The following SLC29A3 variants were observed in gnomAD, a reference collection of about 807,000 sequenced individuals.
SLC29A3 encodes the protein equilibrative nucleoside transporter 3.
Under a neutral mutation model 25.4 loss-of-function variants are expected in SLC29A3, and 18 were observed. That is an observed-to-expected ratio of 0.71 (90% CI 0.49 to 1.05). The LOEUF is 1.05. Ranked by LOEUF, SLC29A3 falls within the 50% of genes least tolerant of loss-of-function variation. The pLI is 0.00. For synonymous variants in SLC29A3, 258 were observed against 267.1 expected, an observed-to-expected ratio of 0.97 and a Z score of 0.33; for missense variants, 586 against 609.0, an observed-to-expected ratio of 0.96 and a Z score of 0.40.
intron 2 of SLC29A3, among the ~76,000 whole-genome samples, chr10:71,342,841 G>A (rs939635499): frequency 4.6e-5 from 7 of 152,216 alleles, no homozygotes; most frequent in Admixed American, 2.6e-4. Context: ...CTCACTAGCT[G>A]CGATTATCAT....
chr10:71,336,686 G>A (rs1333526597), intron 2 of SLC29A3, among the ~76,000 whole-genome samples: 2 of 151,914 alleles, frequency 1.3e-5, no homozygotes, highest in African/African-American at 4.8e-5. Flanking sequence ...GGGATTCATG[G>A]TGTGAGTCTC....
At chr10:71,342,610 C>A (rs1846440008) in intron 2 of SLC29A3, among the ~76,000 whole-genome samples, 1 of 152,256 alleles carries the variant, frequency 6.6e-6, no homozygotes, top group African/African-American at 2.4e-5. Context: ...CTCACCGGGG[C>A]TTGGGCTGGG....
At chr10:71,353,686 C>G (rs1226357040) in intron 4 of SLC29A3, among the ~76,000 whole-genome samples, 4 of 152,210 alleles carry the variant, frequency 2.6e-5, no homozygotes, top group African/African-American at 9.7e-5. Flanking sequence ...CCCAGTCTTC[C>G]AGAGGCCACA....
At chr10:71,360,145 T>C (rs920694633) in intron 5 of SLC29A3, among the ~76,000 whole-genome samples, 2 of 140,112 alleles carry the variant, frequency 1.4e-5, no homozygotes, top group African/African-American at 5.3e-5. Context: ...TTTTTTTTTT[T>C]TTTTTTTTTT....
chr10:71,373,214 G>A (rs1380029853), intron 3 of SLC29A3, among the ~76,000 whole-genome samples: 3 of 152,212 alleles, frequency 2.0e-5, no homozygotes, highest in Non-Finnish European at 4.4e-5. Context: ...AAACTGAATT[G>A]ACTGCATTTT....
At chr10:71,349,410 C>T (rs1297418764) in intron 3 of SLC29A3, among the ~76,000 whole-genome samples, 1 of 152,128 alleles carries the variant, frequency 6.6e-6, no homozygotes, top group Non-Finnish European at 1.5e-5. Context: ...GACACAGTCT[C>T]GGCAGTGAGC....
intron 2 of SLC29A3, among the ~76,000 whole-genome samples, chr10:71,329,536 C>A (rs996923647): frequency 3.3e-5 from 5 of 151,874 alleles, no homozygotes; most frequent in Admixed American, 3.3e-4. Flanking sequence ...TTCTGAGGGG[C>A]CTGGGCACAA....
At chr10:71,359,919 C>T (rs1271974830) in intron 5 of SLC29A3, among the ~76,000 whole-genome samples, 1 of 152,182 alleles carries the variant, frequency 6.6e-6, no homozygotes, top group African/African-American at 2.4e-5. Context: ...CAGGCAAGGT[C>T]ACACAGTAAG....
In SLC29A3 at chr10:71,325,470, G is replaced by C. The variant is rs369048603; in HGVS notation, c.300+2416G>C. On this transcript the variant is annotated intron_variant, in intron 2 of 5. Transcript: ENST00000373189. Reference sequence around the variant, plus strand: ...ATACCAATGCGGGCCACGCCCCAGGGATTCTGACTGGATTAGCCTGAGCTG... The same window carrying C: ...ATACCAATGCGGGCCACGCCCCAGGCATTCTGACTGGATTAGCCTGAGCTG... Among the ~76,000 whole-genome samples the C allele has an allele frequency of 7.9e-5, 12 of 152,272 alleles. No individual in the cohort carries two copies. The East Asian group carries it at 1.9e-3, about 24-fold the overall frequency.
chr10:71,362,401 G>GC lies in SLC29A3; in HGVS notation c.1221_1222insC (p.Val408ArgfsTer32). On this transcript the variant is annotated frameshift_variant, in exon 6 of 6. Coordinates refer to ENST00000373189, the MANE Select transcript of SLC29A3 (RefSeq NM_018344.6). LOFTEE classifies it high-confidence loss of function. ...AGCCCCGCGTCCACCTGAAGACTGT[G>GC]GTCTTCCAGTCCGATGTGTACCCCG... The GC allele has an allele frequency of 6.2e-7, 1 of 1,614,156 alleles. No individual in the cohort carries two copies. Among genetic ancestry groups the GC allele is most frequent in the Non-Finnish European group, 8.5e-7 (1 of 1,180,034 alleles).
intron 1 of SLC29A3, among the ~76,000 whole-genome samples, chr10:71,320,140 T>C (rs1184596959): frequency 6.6e-6 from 1 of 152,214 alleles, no homozygotes; most frequent in Admixed American, 6.5e-5. Flanking sequence ...AGTCAAGCCT[T>C]GACAAATAGA....
intron 2 of SLC29A3, among the ~76,000 whole-genome samples, chr10:71,336,109 G>C (rs958247951): frequency 3.3e-5 from 5 of 152,206 alleles, no homozygotes; most frequent in Non-Finnish European, 2.9e-5. Context: ...CCTTGCTGCT[G>C]CTTTGGCATT....
intron 2 of SLC29A3, among the ~76,000 whole-genome samples, chr10:71,329,469 AAAAAG>A (rs1846069940): frequency 6.6e-6 from 1 of 151,928 alleles, no homozygotes; most frequent in Admixed American, 6.6e-5. Context: ...AAAAAAAAAA[AAAAAG>A]AAAAGAAAAT....
intron 2 of SLC29A3, among the ~76,000 whole-genome samples, chr10:71,329,307 T>C (rs955519592): frequency 1.5e-4 from 23 of 151,912 alleles, no homozygotes; most frequent in African/African-American, 5.3e-4. Flanking sequence ...TGGGAAGCTT[T>C]TAGAAAATAC....
intron 2 of SLC29A3, among the ~76,000 whole-genome samples, chr10:71,330,152 C>T (rs371989109): frequency 4.5e-4 from 68 of 152,232 alleles, no homozygotes; most frequent in African/African-American, 1.5e-3. Context: ...CTTGGTAATG[C>T]TCCCCTTTGC....
intron 4 of SLC29A3, among the ~76,000 whole-genome samples, chr10:71,353,188 CTGTT>C (rs1681620042): frequency 6.6e-6 from 1 of 152,234 alleles, no homozygotes; most frequent in African/African-American, 2.4e-5. Flanking sequence ...GAGCTTCAAT[CTGTT>C]TGCCATTTCT....
intron 2 of SLC29A3, among the ~76,000 whole-genome samples, chr10:71,327,377 C>A (rs983828821): frequency 2.0e-5 from 3 of 151,982 alleles, no homozygotes; most frequent in Non-Finnish European, 4.4e-5. Flanking sequence ...TGGCCCAGGG[C>A]AAAACAAAAT....
intron 4 of SLC29A3, among the ~76,000 whole-genome samples, chr10:71,355,265 C>A (rs1846870928): frequency 6.6e-6 from 1 of 152,228 alleles, no homozygotes; most frequent in East Asian, 1.9e-4. Context: ...CGTCCATCCG[C>A]CTGACTCCTA....
intron 2 of SLC29A3, among the ~76,000 whole-genome samples, chr10:71,335,420 G>A (rs932715472): frequency 6.6e-6 from 1 of 152,194 alleles, no homozygotes; most frequent in Admixed American, 6.5e-5. Flanking sequence ...GGGCCTGGAA[G>A]CGAGGCTGCA....
Sources: allele counts gnomAD v4.1 joint callset (sites outside exome capture counted in the v4.1 genomes callset), GRCh38; gene constraint gnomAD v4.1.1; transcripts MANE v1.5; gene names NCBI Gene and HGNC (gene_info 2026-07-23, HGNC 2026-07-21).